SLC17A8: variants seen among roughly 807,000 people sequenced by gnomAD.
SLC17A8 encodes solute carrier family 17 member 8.
SLC17A8 carries 31 observed loss-of-function variants against 58.0 expected under a neutral mutation model. The ratio of observed to expected loss-of-function variants is 0.53; its 90% CI spans 0.40 to 0.72. The LOEUF (loss-of-function observed/expected upper bound fraction) is 0.72. SLC17A8 is among the 30% of genes least tolerant of loss of function. The pLI is 0.00. For missense variants in SLC17A8, 655 were observed against 727.8 expected (o/e 0.90, Z 1.15); for synonymous variants, 228 against 249.0 (o/e 0.92, Z 0.79).
intron 4 of SLC17A8, among the ~76,000 whole-genome samples, chr12:100,394,105 T>C (rs983159985): frequency 3.9e-5 from 6 of 152,234 alleles, no homozygotes; most frequent in Non-Finnish European, 8.8e-5. Flanking sequence ...TGATTTTTTT[T>C]CTCACCATTT....
rs376930775 is a variant in SLC17A8 at position 100,418,200 on chromosome 12, T to C, written c.1425+44T>C. On this transcript the variant is annotated intron_variant, in intron 11 of 11. Transcript: ENST00000323346. ...GCTATGGGTTACAATATCAGAGGAC[T>C]GGAGCTCTACACAAACTTGAGATTT... 129 of 1,590,128 alleles carry C rather than the reference T, an allele frequency of 8.1e-5. No homozygotes were observed. The Middle Eastern group carries it at 8.4e-4, about 10-fold the overall frequency.
intron 1 of SLC17A8, among the ~76,000 whole-genome samples, chr12:100,373,290 C>T (rs1299923650): frequency 6.6e-6 from 1 of 152,190 alleles, no homozygotes; most frequent in Non-Finnish European, 1.5e-5. Context: ...TAAAGTCCTC[C>T]AACTCCTAAG....
chr12:100,368,043 C>T (rs994062348), intron 1 of SLC17A8, among the ~76,000 whole-genome samples: 27 of 152,352 alleles, frequency 1.8e-4, no homozygotes, highest in African/African-American at 5.5e-4. Flanking sequence ...AGGCCTTTGC[C>T]GGGATGTTAG....
chr12:100,420,088 G>A lies in SLC17A8; in HGVS notation c.1699G>A (p.Gly567Arg). 4 of 1,614,076 alleles carry A rather than the reference G, an allele frequency of 2.5e-6. No homozygotes were observed. Among genetic ancestry groups the A allele is most frequent in the Non-Finnish European group, 3.4e-6 (4 of 1,179,996 alleles). Residue 567 changes from glycine to arginine, a missense_variant, in exon 12 of 12, where the codon GGA (glycine) becomes AGA (arginine). Physicochemically the swap from Gly to Arg is moderately radical, Grantham distance 125 (BLOSUM62 -2). Coordinates refer to ENST00000323346, the MANE Select transcript of SLC17A8 (RefSeq NM_139319.3). ...VQKKEWKGQR[G>R]ATLDEEELTS... The stretch of plus-strand genomic sequence containing the variant: ...GAAGAAGGAATGGAAAGGACAGAGA[G>A]GAGCGACCCTTGATGAGGAAGAGCT...
rs2135963656 is a variant in SLC17A8, at chr12:100,357,372, A to C, written c.-20A>C. 7.5e-7 allele frequency: 1 copy of C among 1,340,372 alleles called. No individual in the cohort carries two copies. The highest frequency in any genetic ancestry group is 1.1e-6 in the Non-Finnish European group (1 of 930,036). 83.0% of individuals were successfully genotyped at this position (1,340,372 alleles called of 1,614,324 possible). On this transcript the variant is annotated 5_prime_UTR_variant, in exon 1 of 12. Coordinates refer to ENST00000323346, the MANE Select transcript of SLC17A8 (RefSeq NM_139319.3). ...TTTTGAGACTGACTGTTAACGGCTCAGAGGTGCCCCTCATTCAAAATGCCT... is the reference window on the plus strand; with the variant it reads ...TTTTGAGACTGACTGTTAACGGCTCCGAGGTGCCCCTCATTCAAAATGCCT...
At chr12:100,398,992 TC>T (rs1952771581) in intron 5 of SLC17A8, among the ~76,000 whole-genome samples, 3 of 152,168 alleles carry the variant, frequency 2.0e-5, no homozygotes, top group African/African-American at 7.2e-5. Context: ...GAACTGTGAG[TC>T]CAATTAAACC....
intron 1 of SLC17A8, among the ~76,000 whole-genome samples, chr12:100,375,845 G>GC (rs1223700789): frequency 6.6e-6 from 1 of 152,170 alleles, no homozygotes; most frequent in East Asian, 1.9e-4. Flanking sequence ...ATTACGATTA[G>GC]CCCAGTTTAG....
chr12:100,405,204 G>A (rs922332711), intron 9 of SLC17A8, among the ~76,000 whole-genome samples: 5 of 152,208 alleles, frequency 3.3e-5, no homozygotes, highest in Admixed American at 1.3e-4. Context: ...GTGTGGGCCT[G>A]ACCTTAGCTT....
intron 5 of SLC17A8, among the ~76,000 whole-genome samples, chr12:100,400,911 G>C (rs61941787): frequency 0.09 from 13,566 of 150,424 alleles, 756 homozygotes; most frequent in South Asian, 0.15. Context: ...TACAAAGTAA[G>C]AAATACATGT....
chr12:100,411,309 C>T (rs1952865855), intron 9 of SLC17A8, among the ~76,000 whole-genome samples: 1 of 151,934 alleles, frequency 6.6e-6, no homozygotes, highest in Non-Finnish European at 1.5e-5. Context: ...GGTGAAACCC[C>T]AACTCTACTA....
chr12:100,384,928 G>A (rs767024277), intron 2 of SLC17A8, among the ~76,000 whole-genome samples: 1 of 152,136 alleles, frequency 6.6e-6, no homozygotes, highest in Non-Finnish European at 1.5e-5. Context: ...TTCATGGACT[G>A]CTTTCTTTCC....
At chr12:100,409,212 G>T (rs2136011727) in intron 9 of SLC17A8, among the ~76,000 whole-genome samples, 1 of 152,046 alleles carries the variant, frequency 6.6e-6, no homozygotes, top group East Asian at 1.9e-4. Context: ...TAGAGACAGA[G>T]TCTCACTCTG....
chr12:100,357,634 G>A (rs777401796), intron 1 of SLC17A8, 142 bp downstream of exon 1: 14 of 686,468 alleles, frequency 2.0e-5, no homozygotes, highest in Non-Finnish European at 2.9e-5. Flanking sequence ...GCCCCTTCTA[G>A]CTCCAGTAGT....
intron 11 of SLC17A8, among the ~76,000 whole-genome samples, chr12:100,418,595 C>T (rs1952924067): frequency 6.6e-6 from 1 of 152,206 alleles, no homozygotes; most frequent in African/African-American, 2.4e-5. Context: ...ATAAAATAAA[C>T]AGGACATTGA....
In SLC17A8 at chr12:100,357,291, T is replaced by G. The variant is rs1014453269; in HGVS notation, c.-101T>G. ...CCCTCCACGAGAACTGACTTCCAGGTGTTCACCAAGGGAAACAAGGTGGTT... is the reference window on the plus strand; with the variant it reads ...CCCTCCACGAGAACTGACTTCCAGGGGTTCACCAAGGGAAACAAGGTGGTT... On this transcript the variant is annotated 5_prime_UTR_variant, in exon 1 of 12. Transcript: ENST00000323346. The G allele has an allele frequency of 2.5e-6, 2 of 788,694 alleles. No homozygotes were observed. The highest frequency in any genetic ancestry group is 3.4e-5 in the African/African-American group (2 of 59,204). The allele number at this position is 788,694 out of a possible 1,614,324, so 48.9% of individuals were successfully genotyped here. A position where few individuals can be genotyped will look rare whatever the true frequency, so the allele number is the denominator to read the frequency against.
intron 5 of SLC17A8, among the ~76,000 whole-genome samples, chr12:100,401,230 C>T (rs1460777098): frequency 6.6e-6 from 1 of 151,638 alleles, no homozygotes; most frequent in Non-Finnish European, 1.5e-5. Flanking sequence ...AACTCCTGGC[C>T]TCAAGTGATC....
chr12:100,371,838 C>T (rs1012275188), intron 1 of SLC17A8, among the ~76,000 whole-genome samples: 2 of 152,180 alleles, frequency 1.3e-5, no homozygotes, highest in African/African-American at 4.8e-5. Context: ...CGTGAGCCAC[C>T]GTGCCCAGCT....
rs1284035661 is a variant in SLC17A8 at position 100,391,055 on chromosome 12, T to A, written c.409T>A (p.Phe137Ile). The A allele has an allele frequency of 6.2e-7, 1 of 1,614,046 alleles. No homozygotes were observed. Among genetic ancestry groups the A allele is most frequent in the East Asian group, 2.2e-5 (1 of 44,862 alleles). ...AGTGGGCCTTATCCATGGATCTTTT[T>A]TCTGGGGCTATATTATGACACAAAT... ...ETVGLIHGSF[F>I]WGYIMTQIPG... The change falls in exon 3 of 12, where the codon TTC (phenylalanine) becomes ATC (isoleucine). Residue 137 changes from phenylalanine to isoleucine, a missense_variant. Transcript: ENST00000323346.
chr12:100,387,156 T>C (rs1262181958), intron 2 of SLC17A8, among the ~76,000 whole-genome samples: 1 of 152,242 alleles, frequency 6.6e-6, no homozygotes, highest in African/African-American at 2.4e-5. Flanking sequence ...ACATTCGTTC[T>C]GTTTTTAAGT....
Sources: gnomAD v4.1 joint callset for allele counts (sites outside exome capture counted in the v4.1 genomes callset) on GRCh38, gnomAD v4.1.1 for gene constraint, MANE v1.5 for transcripts, NCBI Gene and HGNC (gene_info 2026-07-23, HGNC 2026-07-21) for gene names.